WDR7: variants seen among roughly 807,000 people sequenced by gnomAD.
The protein encoded by WDR7 is WD repeat-containing protein 7.
Under a neutral mutation model 169.4 loss-of-function variants are expected in WDR7, and 46 were observed. The observed-to-expected ratio is 0.27, with a 90% CI of 0.21 to 0.35. WDR7 has a LOEUF of 0.35. Ranked by LOEUF, WDR7 falls within the 10% of genes least tolerant of loss-of-function variation. WDR7 has a pLI of 1.00. For missense variants in WDR7, 1,534 were observed against 1,859.3 expected (o/e 0.83, Z 3.22); for synonymous variants, 612 against 666.8 (o/e 0.92, Z 1.27).
chr18:56,785,575 G>T (rs576876303), intron 19 of WDR7, among the ~76,000 whole-genome samples: 10 of 152,238 alleles, frequency 6.6e-5, no homozygotes, highest in African/African-American at 2.4e-4. Flanking sequence ...GAGCAGAATG[G>T]CATACTGGGC....
chr18:56,883,703 T>C (rs1599127835), intron 21 of WDR7, among the ~76,000 whole-genome samples: 1 of 152,238 alleles, frequency 6.6e-6, no homozygotes, highest in South Asian at 2.1e-4. Context: ...CATTGTATCA[T>C]TCTTATGCTT....
At chr18:56,721,776 TTA>T (rs1233566396) in intron 13 of WDR7, 9 of 152,248 alleles carry the variant, frequency 5.9e-5, no homozygotes, top group Admixed American at 5.9e-4. Context: ...AATGTTCTTC[TTA>T]TCTAGCCATT....
chr18:56,726,633 A>G (rs188231981), intron 13 of WDR7, among the ~76,000 whole-genome samples: 40 of 152,224 alleles, frequency 2.6e-4, no homozygotes, highest in African/African-American at 9.1e-4. Flanking sequence ...TCCTAATTGA[A>G]TACCCTTTAT....
intron 21 of WDR7, among the ~76,000 whole-genome samples, chr18:56,888,061 T>G (rs1421486187): frequency 1.3e-5 from 2 of 152,202 alleles, no homozygotes; most frequent in Non-Finnish European, 2.9e-5. Context: ...GAACTTTAAT[T>G]GCTAATGTAG....
At chr18:56,986,793 T>C (rs77170296) in intron 26 of WDR7, among the ~76,000 whole-genome samples, 5,698 of 152,270 alleles carry the variant, frequency 0.037, 130 homozygotes, top group Non-Finnish European at 0.053. Flanking sequence ...TGTTGTTCTA[T>C]TGAATTAAAA....
At chr18:56,719,801 A>G (rs1455565954) in intron 13 of WDR7, among the ~76,000 whole-genome samples, 2 of 152,104 alleles carry the variant, frequency 1.3e-5, no homozygotes, top group Non-Finnish European at 2.9e-5. Context: ...GTCACTGGAT[A>G]TTTGTCCCTC....
intron 19 of WDR7, among the ~76,000 whole-genome samples, chr18:56,802,517 C>T (rs1482205206): frequency 1.1e-4 from 12 of 113,458 alleles, no homozygotes; most frequent in Admixed American, 4.2e-4. Context: ...GCCGCCACAC[C>T]GGCTAATTTT....
intron 21 of WDR7, among the ~76,000 whole-genome samples, chr18:56,895,477 T>C (rs572662026): frequency 2.7e-5 from 2 of 74,602 alleles, no homozygotes; most frequent in Non-Finnish European, 7.6e-5. Context: ...TACACTTGGA[T>C]TTTTTTAAAA....
chr18:56,672,310 G>A (rs1482567370), intron 1 of WDR7, among the ~76,000 whole-genome samples, 187 bp from the exon 2 acceptor site: 1 of 151,900 alleles, frequency 6.6e-6, no homozygotes, highest in African/African-American at 2.4e-5. Context: ...TATTTTGTAA[G>A]CACCTGAATC....
chr18:56,733,390 T>C (rs1212450665), intron 14 of WDR7, among the ~76,000 whole-genome samples: 1 of 152,108 alleles, frequency 6.6e-6, no homozygotes, highest in Non-Finnish European at 1.5e-5. Flanking sequence ...CTGGATAGCT[T>C]TCTAACCTCA....
intron 1 of WDR7, among the ~76,000 whole-genome samples, chr18:56,658,710 GTACT>G (rs777924692): frequency 2.0e-5 from 3 of 151,996 alleles, no homozygotes; most frequent in East Asian, 1.9e-4. Flanking sequence ...AAATATCACT[GTACT>G]TACTTACTTT....
chr18:56,714,348 C>T (rs2469463), intron 12 of WDR7, among the ~76,000 whole-genome samples: 145,404 of 152,080 alleles, frequency 0.96, 69,837 homozygotes, highest in East Asian at 1. Flanking sequence ...ATTTTGGCTA[C>T]TTCCAGTCTT....
intron 19 of WDR7, among the ~76,000 whole-genome samples, chr18:56,786,636 A>G (rs2044405352): frequency 6.6e-6 from 1 of 152,080 alleles, no homozygotes; most frequent in Non-Finnish European, 1.5e-5. Context: ...CAGTCAGGAA[A>G]TACTATTTTA....
intron 14 of WDR7, among the ~76,000 whole-genome samples, chr18:56,756,068 AT>A (rs1173403190): frequency 6.6e-6 from 1 of 152,170 alleles, no homozygotes; most frequent in Non-Finnish European, 1.5e-5. Flanking sequence ...AAAAGATAGC[AT>A]TTTTTAAAGG....
At chr18:56,900,697 C>G (rs2145563248) in intron 21 of WDR7, among the ~76,000 whole-genome samples, 1 of 152,250 alleles carries the variant, frequency 6.6e-6, no homozygotes, top group South Asian at 2.1e-4. Context: ...CCAAAGTGGC[C>G]TACCGCTGCC....
intron 20 of WDR7, among the ~76,000 whole-genome samples, chr18:56,877,619 GGTCT>G: frequency 6.6e-6 from 1 of 152,068 alleles, no homozygotes. Context: ...TTTAGTTCAG[GGTCT>G]GTCTGTTGGT....
chr18:56,839,221 G>T (rs1359247331), intron 20 of WDR7, among the ~76,000 whole-genome samples: 2 of 152,000 alleles, frequency 1.3e-5, no homozygotes, highest in Admixed American at 1.3e-4. Context: ...TCAAATCAGG[G>T]TCTGCATAAA....
intron 26 of WDR7, among the ~76,000 whole-genome samples, chr18:56,986,038 G>A (rs1304200813): frequency 6.6e-6 from 1 of 152,012 alleles, no homozygotes; most frequent in Admixed American, 6.6e-5. Context: ...GTTGTTTAGA[G>A]TGTTTTCATT....
chr18:56,796,494 G>T (rs887718172), intron 19 of WDR7, among the ~76,000 whole-genome samples: 1 of 152,162 alleles, frequency 6.6e-6, no homozygotes, highest in Non-Finnish European at 1.5e-5. Flanking sequence ...GCCTCAGCTG[G>T]TATACAAAGA....
Sources: allele counts gnomAD v4.1 joint callset (sites outside exome capture counted in the v4.1 genomes callset), GRCh38; gene constraint gnomAD v4.1.1; transcripts MANE v1.5; gene names NCBI Gene and HGNC (gene_info 2026-07-23, HGNC 2026-07-21).